Variants in SRCIN1 observed in about 807,000 individuals in gnomAD.
SRCIN1 encodes the protein P130Cas-associated protein.
SRCIN1 carries 50 observed loss-of-function variants against 116.2 expected under a neutral mutation model. The ratio of observed to expected loss-of-function variants is 0.43; its 90% confidence interval spans 0.34 to 0.54. SRCIN1 has a LOEUF of 0.54. Among genes scored for constraint, SRCIN1 ranks in the 20% least tolerant of loss-of-function variants. The probability of loss-of-function intolerance (pLI) is 0.02; values close to 1 mark genes in which losing one functional copy is unlikely to be tolerated. For missense variants in SRCIN1, 1,446 were observed against 1,672.0 expected, an observed-to-expected ratio of 0.86 and a Z score of 2.36; for synonymous variants, 736 against 750.0, an observed-to-expected ratio of 0.98 and a Z score of 0.30.
rs1299604838 is a variant in SRCIN1, at chr17:38,604,800, G to A, written c.22+884C>T. Among the ~76,000 whole-genome samples the A allele has an allele frequency of 1.3e-5, 2 of 151,894 alleles. No individual in the cohort carries two copies. Among genetic ancestry groups the A allele is most frequent in the African/African-American group, 4.8e-5 (2 of 41,360 alleles). On this transcript the variant is annotated intron_variant, in intron 1 of 18. Coordinates refer to ENST00000617146, the MANE Select transcript of SRCIN1 (RefSeq NM_025248.3). This position sits in a 1 kb window ranked among gnomAD's most constrained non-coding sequence, Gnocchi z 4.3. ...GCGTGGGAGGGGAGGGGGGGCCACG[G>A]TGCGTCCCCTTCCCAGCCCCACCCT...
At chr17:38,564,440 C>G (rs1315893545) in intron 3 of SRCIN1, 127 bp from the exon 4 acceptor site, 2 of 1,008,450 alleles carry the variant, frequency 2.0e-6, no homozygotes, top group Non-Finnish European at 1.4e-6. Context: ...ATTACAGACT[C>G]CCACACAGAT....
At position 38,578,777 on chromosome 17, in the gene SRCIN1, T is replaced by G; in HGVS notation, c.37A>C (p.Ser13Arg). ...NAPSQDPERSSPPMLSADDAE... is the reference protein window; with the variant it reads ...NAPSQDPERSRPPMLSADDAE... ...TCGTCCGCAGACAGCATGGGGGGGCTGCTCCGCTCCGGATCTGCGAGAGGT... is the reference window on the plus strand; with the variant it reads ...TCGTCCGCAGACAGCATGGGGGGGCGGCTCCGCTCCGGATCTGCGAGAGGT... Residue 13 changes from serine (S) to arginine (R), a missense_variant, in exon 2 of 19, where the codon AGC (serine) becomes CGC (arginine). Physicochemically the swap from Ser to Arg is moderately radical, Grantham distance 110. Transcript: ENST00000617146. The G allele has an allele frequency of 6.7e-7, 1 of 1,501,944 alleles. No homozygotes were observed. Among genetic ancestry groups the G allele is most frequent in the South Asian group, 1.3e-5 (1 of 79,560 alleles). 93.0% of individuals were successfully genotyped at this position (1,501,944 alleles called of 1,614,324 possible).
At chr17:38,551,531 T>C (rs993986538) in intron 14 of SRCIN1, 142 bp from the exon 15 acceptor site, 1 of 737,296 alleles carries the variant, frequency 1.4e-6, no homozygotes, top group African/African-American at 1.8e-5. Context: ...GAAGACACTT[T>C]GACTTCTCGT....
In SRCIN1 at chr17:38,551,211, G is replaced by T. The variant is rs749601060; in HGVS notation, c.2906C>A (p.Ala969Asp). 4.4e-6 allele frequency: 7 copies of T among 1,603,326 alleles called. No homozygotes were observed. The South Asian group carries it at 7.7e-5, about 18-fold the overall frequency. ...GGGGGCTGCCTTCTGGCCGTGGGGG[G>T]CCTTGGGGGGCTTGTGATCTGGAGT... is the stretch of plus-strand genomic sequence containing the variant. The part of the protein sequence containing the change: ...APTPDHKPPK[A>D]PHGQKAAPRT... The change falls in exon 15 of 19, where the codon GCC (alanine) becomes GAC (aspartate). Residue 969 changes from alanine (A) to aspartate (D), a missense_variant. Transcript: ENST00000617146.
At position 38,552,383 on chromosome 17, in the gene SRCIN1, T is replaced by C; in HGVS notation, c.2480+64A>G. ...GGGGAGTTGGGGTAAGGGTTCAGTA[T>C]GACCTATGGGTCTGGGCCCGGTGTG... is the stretch of plus-strand genomic sequence containing the variant. On this transcript the variant is annotated intron_variant, in intron 13 of 18. Transcript: ENST00000617146. This position sits in a 1 kb window ranked among gnomAD's most constrained non-coding sequence, Gnocchi z 5.3. The C allele has an allele frequency of 1.3e-6, 2 of 1,533,032 alleles. No individual in the cohort carries two copies. Among genetic ancestry groups the C allele is most frequent in the Non-Finnish European group, 8.8e-7 (1 of 1,142,428 alleles). The allele number at this position is 1,533,032 out of a possible 1,614,324, so 95.0% of individuals were successfully genotyped here.
chr17:38,558,227 T>G lies in SRCIN1; in HGVS notation c.2201A>C (p.Asn734Thr), dbSNP rs774025772. 3.7e-6 allele frequency: 6 copies of G among 1,611,668 alleles called. No individual in the cohort carries two copies. The highest frequency in any genetic ancestry group is 4.2e-6 in the Non-Finnish European group (5 of 1,178,586). The change falls in exon 11 of 19, where the codon AAT (asparagine) becomes ACT (threonine). Residue 734 changes from asparagine (N) to threonine (T), a missense_variant and splice_region_variant. Asn to Thr is a moderately conservative substitution (Grantham distance 65, BLOSUM62 0). Around this residue, in one of 5 missense-constraint regions of SRCIN1, gnomAD observed 531 missense variants for 633.9 expected, o/e 0.84. Coordinates refer to ENST00000617146, the MANE Select transcript of SRCIN1 (RefSeq NM_025248.3). This position sits in a 1 kb window ranked among gnomAD's most constrained non-coding sequence, Gnocchi z 4.6. ...NDEELITQQL[N>T]DLEKSVEKIQ... ...CCCTCCGCCGCGGGCCCAGCCTCAC[T>G]TGAGCTGCTGGGTAATAAGCTCCTC...
chr17:38,563,056 G>A lies in SRCIN1; in HGVS notation c.741-136C>T. ...CCCATCTCAGGCTGCCTGCACACAC[G>A]CCCAGCAGCCTCCACCCCGGCCTCT... On this transcript the variant is annotated intron_variant, in intron 5 of 18. Coordinates refer to ENST00000617146, the MANE Select transcript of SRCIN1 (RefSeq NM_025248.3). This position sits in a 1 kb window ranked among gnomAD's most constrained non-coding sequence, Gnocchi z 5.8. The A allele has an allele frequency of 1.2e-6, 1 of 816,538 alleles. No individual in the cohort carries two copies. The highest frequency in any genetic ancestry group is 2.0e-6 in the Non-Finnish European group (1 of 511,128). 50.6% of individuals were successfully genotyped at this position (816,538 alleles called of 1,614,324 possible).
chr17:38,570,438 AACAC>A (rs373649969), intron 2 of SRCIN1, among the ~76,000 whole-genome samples: 1 of 151,954 alleles, frequency 6.6e-6, no homozygotes. Flanking sequence ...CGGCTATTGA[AACAC>A]ACACACACAC....
In SRCIN1 at chr17:38,551,361, C is replaced by T. The variant is rs533688033; in HGVS notation, c.2756G>A (p.Arg919Gln). The T allele has an allele frequency of 9.9e-6, 16 of 1,613,068 alleles. No homozygotes were observed. The highest frequency in any genetic ancestry group is 3.3e-5 in the South Asian group (3 of 90,832). The change falls in exon 15 of 19, where the codon CGG becomes CAG. Residue 919 changes from arginine (R) to glutamine (Q), a missense_variant. Around this residue, in one of 5 missense-constraint regions of SRCIN1, gnomAD observed 531 missense variants for 633.9 expected, o/e 0.84. Transcript: ENST00000617146. ...EAAERDWEEK[R>Q]AALTQYSAKD... The stretch of plus-strand genomic sequence containing the variant: ...GGCACTGTACTGGGTCAGGGCTGCC[C>T]GCTTCTCCTCCCAGTCTCGCTCTGC...
chr17:38,583,555 T>TTTG (rs1567878618), intron 1 of SRCIN1, among the ~76,000 whole-genome samples: 1 of 73,742 alleles, frequency 1.4e-5, no homozygotes, highest in Non-Finnish European at 2.4e-5. Context: ...TCTGTTTTTT[T>TTTG]TTTTTTTTTT....
chr17:38,550,096 A>C (rs938306134), intron 15 of SRCIN1, among the ~76,000 whole-genome samples: 1 of 152,236 alleles, frequency 6.6e-6, no homozygotes, highest in East Asian at 1.9e-4. Context: ...TCTGGTTTAC[A>C]TACTAGGCAT....
chr17:38,601,717 A>G (rs1388301361), intron 1 of SRCIN1, among the ~76,000 whole-genome samples: 1 of 151,978 alleles, frequency 6.6e-6, no homozygotes, highest in African/African-American at 2.4e-5. Context: ...CTGGACTCTG[A>G]CAATTATGGC....
chr17:38,537,189 TTAAA>T (rs1473034949), intron 18 of SRCIN1, among the ~76,000 whole-genome samples: 2 of 148,192 alleles, frequency 1.3e-5, no homozygotes, highest in African/African-American at 2.5e-5. Flanking sequence ...CAAAAAAAAA[TTAAA>T]TAAATAAATA....
At position 38,562,045 on chromosome 17, in the gene SRCIN1, T is replaced by A. The variant is rs747848101; in HGVS notation, c.1118A>T (p.Asp373Val). Residue 373 changes from aspartate to valine, a missense_variant, in exon 7 of 19, where the codon GAC becomes GTC. By Grantham distance (152) the Asp-to-Val change is radical (BLOSUM62 -3). Around this residue, in one of 5 missense-constraint regions of SRCIN1, gnomAD observed 239 missense variants for 317.7 expected, o/e 0.75. Coordinates refer to ENST00000617146, the MANE Select transcript of SRCIN1 (RefSeq NM_025248.3). The surrounding 1 kb of genome is among the most constrained non-coding windows in gnomAD (Gnocchi z 4.2). ...CGCCAGGTCCTCGTCCGGCTTCACG[T>A]CGCGCCGCTCCAGGATGGCGCTGGG... is the stretch of plus-strand genomic sequence containing the variant. ...PSPSAILERR[D>V]VKPDEDLASK... 3 of 1,490,180 alleles carry A rather than the reference T, an allele frequency of 2.0e-6. No homozygotes were observed. The highest frequency in any genetic ancestry group is 2.7e-6 in the Non-Finnish European group (3 of 1,128,228). 92.3% of individuals were successfully genotyped at this position (1,490,180 alleles called of 1,614,324 possible).
intron 1 of SRCIN1, among the ~76,000 whole-genome samples, chr17:38,588,176 AC>A (rs1297653477): frequency 6.6e-6 from 1 of 152,086 alleles, no homozygotes; most frequent in Non-Finnish European, 1.5e-5. Context: ...CTTCTGATCT[AC>A]CCCGGAGCCC....
At chr17:38,579,961 C>A (rs116251688) in intron 1 of SRCIN1, among the ~76,000 whole-genome samples, 2,090 of 152,324 alleles carry the variant, frequency 0.014, 55 homozygotes, top group African/African-American at 0.047. Flanking sequence ...CTCTCCTGCA[C>A]ACCCCAGCCC....
chr17:38,560,865 G>T (rs1008744258), intron 7 of SRCIN1, among the ~76,000 whole-genome samples: 8 of 152,218 alleles, frequency 5.3e-5, no homozygotes, highest in Non-Finnish European at 8.8e-5. Flanking sequence ...CCACGTAAGA[G>T]CTGTGTGAAG....
chr17:38,551,534 C>T (rs1418989980), intron 14 of SRCIN1, 145 bp from the exon 15 acceptor site: 1 of 735,536 alleles, frequency 1.4e-6, no homozygotes, highest in East Asian at 2.7e-5. Context: ...GACACTTTGA[C>T]TTCTCGTGGG....
In SRCIN1 at chr17:38,578,628, G is replaced by C. The variant is rs1419391502; in HGVS notation, c.186C>G (p.Ala62=). The C allele has an allele frequency of 2.5e-6, 4 of 1,605,776 alleles. No homozygotes were observed. The African/African-American group carries it at 4.0e-5, about 16-fold the overall frequency. Residue 62 remains alanine (A), a synonymous_variant, in exon 2 of 19, where the codon GCC becomes GCG. Transcript: ENST00000617146. The part of the protein sequence containing the change: ...TSERRHTVIA[A]QSLEALSGLQ... ...GCCCGCTGAGCGCCTCCAGACTCTGGGCCGCGATCACCGTGTGCCGCCGCT... is the reference window on the plus strand; with the variant it reads ...GCCCGCTGAGCGCCTCCAGACTCTGCGCCGCGATCACCGTGTGCCGCCGCT...
Sources: gnomAD v4.1 joint callset for allele counts (sites outside exome capture counted in the v4.1 genomes callset) on GRCh38, gnomAD v4.1.1 for gene constraint, gnomAD v4.1.1 regional missense constraint, Gnocchi (gnomAD v3.1) non-coding constraint, MANE v1.5 for transcripts, NCBI Gene and HGNC (gene_info 2026-07-23, HGNC 2026-07-21) for gene names.